Variants in MCM3 observed in about 807,000 individuals in gnomAD.
MCM3 encodes the protein DNA replication licensing factor MCM3.
MCM3 carries 59 observed loss-of-function variants against 91.3 expected under a neutral mutation model. The ratio of observed to expected loss-of-function variants is 0.65; its 90% CI spans 0.52 to 0.80. The LOEUF is 0.80. MCM3 is among the 30% of genes least tolerant of loss of function. MCM3 has a pLI of 0.00. For synonymous variants in MCM3, 383 were observed against 379.6 expected, an observed-to-expected ratio of 1.01 and a Z score of -0.10; for missense variants, 919 against 1,035.4, an observed-to-expected ratio of 0.89 and a Z score of 1.54.
At chr6:52,277,753 T>G in intron 6 of MCM3, 65 bp from the exon 7 acceptor site, 1 of 1,496,742 alleles carries the variant, frequency 6.7e-7, no homozygotes, top group East Asian at 2.3e-5. Context: ...AGCTCCACTT[T>G]ATATACTTTG....
intron 15 of MCM3, 39 bp downstream of exon 15, chr6:52,266,572 C>A: frequency 6.3e-7 from 1 of 1,576,118 alleles, no homozygotes. Flanking sequence ...CCAAGAGTCA[C>A]AGGAACAACC....
At chr6:52,265,046 T>C (rs1174477626) in intron 16 of MCM3, among the ~76,000 whole-genome samples, 1 of 152,166 alleles carries the variant, frequency 6.6e-6, no homozygotes, top group African/African-American at 2.4e-5. Context: ...TGCGGGACAA[T>C]TTAACAGCAC....
At chr6:52,281,781 CCAT>C (rs1766119649) in intron 4 of MCM3, among the ~76,000 whole-genome samples, 1 of 152,090 alleles carries the variant, frequency 6.6e-6, no homozygotes, top group African/African-American at 2.4e-5. Context: ...ATTTAGTGCA[CCAT>C]GACTGCACCT....
At chr6:52,283,566 T>C (rs1332908355) in intron 1 of MCM3, among the ~76,000 whole-genome samples, 160 bp from the exon 2 acceptor site, 2 of 152,252 alleles carry the variant, frequency 1.3e-5, no homozygotes, top group Non-Finnish European at 2.9e-5. Flanking sequence ...ATTCACTGTT[T>C]TTAGATTCGA....
chr6:52,283,838 G>A (rs1766384003), intron 1 of MCM3, among the ~76,000 whole-genome samples: 1 of 152,224 alleles, frequency 6.6e-6, no homozygotes, highest in African/African-American at 2.4e-5. Context: ...ATTTCACCAT[G>A]TATATCAAAA....
intron 3 of MCM3, 40 bp downstream of exon 3, chr6:52,282,613 G>C: frequency 1.3e-6 from 2 of 1,588,270 alleles, no homozygotes; most frequent in South Asian, 2.2e-5. Context: ...CCATCTCCCT[G>C]TCTATTCATT....
intron 16 of MCM3, 123 bp downstream of exon 16, chr6:52,265,952 G>GC: frequency 1.5e-6 from 1 of 676,626 alleles, no homozygotes; most frequent in Non-Finnish European, 2.5e-6. Context: ...AAAGCTGCAG[G>GC]CCTCTAGTTT....
Position 52,283,278 on chromosome 6 carries a change from T to A in MCM3, c.191+16A>T. ...GCCATTCTCACTGACAGCCAGTATATCCCCTTGCCTCTCACCGGTTAGCCC... is the reference window on the plus strand; with the variant it reads ...GCCATTCTCACTGACAGCCAGTATAACCCCTTGCCTCTCACCGGTTAGCCC... On this transcript the variant is annotated intron_variant, in intron 2 of 16. Transcript: ENST00000596288. The A allele has an allele frequency of 3.7e-6, 6 of 1,603,114 alleles. No homozygotes were observed. Among genetic ancestry groups the A allele is most frequent in the Non-Finnish European group, 5.1e-6 (6 of 1,170,096 alleles).
Position 52,276,429 on chromosome 6 carries a change from C to T in MCM3, c.1213G>A (p.Val405Met), listed in dbSNP as rs1314050475. The change falls in exon 9 of 17, where the codon GTG (valine) becomes ATG (methionine). Residue 405 changes from valine (V) to methionine (M), a missense_variant. Val to Met is a conservative substitution (Grantham distance 21). Around this residue, in one of 3 missense-constraint regions of MCM3, gnomAD observed 233 missense variants for 321.2 expected, o/e 0.73. Coordinates refer to ENST00000596288, the MANE Select transcript of MCM3 (RefSeq NM_002388.6). ...AGAMVLADRG[V>M]VCIDEFDKMS... Reference sequence around the variant, plus strand: ...TTGTCAAATTCATCAATGCAAACCACGCCTCGGTCAGCCAGGACCATGGCC... The same window carrying T: ...TTGTCAAATTCATCAATGCAAACCATGCCTCGGTCAGCCAGGACCATGGCC... 7.4e-6 allele frequency: 12 copies of T among 1,614,094 alleles called. No homozygotes were observed. The highest frequency in any genetic ancestry group is 4.0e-5 in the African/African-American group (3 of 74,930).
Position 52,264,567 on chromosome 6 carries a change from A to C in MCM3, c.*21T>G, listed in dbSNP as rs759933577. On this transcript the variant is annotated 3_prime_UTR_variant, in exon 17 of 17. Coordinates refer to ENST00000596288, the MANE Select transcript of MCM3 (RefSeq NM_002388.6). ...AGAACAAACTCTCTCGGCACAACCC[A>C]AGTTCAGAGACGAGGCCTCCTCAGA... The C allele has an allele frequency of 1.2e-5, 20 of 1,613,652 alleles. No individual in the cohort carries two copies. In the East Asian group the frequency reaches 4.5e-4, roughly 36 times the overall value.
chr6:52,279,495 C>A lies in MCM3; in HGVS notation c.636G>T (p.Gln212His). 1 of 1,614,156 alleles carries A rather than the reference C, an allele frequency of 6.2e-7. No homozygotes were observed. Among genetic ancestry groups the A allele is most frequent in the Non-Finnish European group, 8.5e-7 (1 of 1,180,038 alleles). Residue 212 changes from glutamine (Q) to histidine (H), a missense_variant, in exon 5 of 17, where the codon CAG becomes CAT. By Grantham distance (24) the Gln-to-His change is conservative. Around this residue, in one of 3 missense-constraint regions of MCM3, gnomAD observed 401 missense variants for 402.7 expected, o/e 1.00. Transcript: ENST00000596288. The stretch of plus-strand genomic sequence containing the variant: ...GAATGACGTCCACAGAGCGGGGGAG[C>A]TGGCCGGCTGGGGCCTTCTCCGGCA... ...QEMPEKAPAG[Q>H]LPRSVDVILD...
chr6:52,278,068 AC>A (rs1488314598), intron 6 of MCM3, among the ~76,000 whole-genome samples: 10 of 87,666 alleles, frequency 1.1e-4, no homozygotes, highest in Non-Finnish European at 2.3e-4. Context: ...ATTCCGTCTC[AC>A]CAAAAAAAAA....
In MCM3 at chr6:52,272,269, G is replaced by A. The variant is rs202186843; in HGVS notation, c.1827+32C>T. ...CTCCTGCCCAGCCATATACCTAAGG[G>A]ACCCCAAGCCTAGGCTCCCCCAGGC... On this transcript the variant is annotated intron_variant, in intron 12 of 16. Coordinates refer to ENST00000596288, the MANE Select transcript of MCM3 (RefSeq NM_002388.6). 90 of 1,606,218 alleles carry A rather than the reference G, an allele frequency of 5.6e-5. No individual in the cohort carries two copies. In the Middle Eastern group the frequency reaches 3.9e-3, roughly 70 times the overall value.
In MCM3 at chr6:52,283,648, C is replaced by T. The variant is rs17239825; in HGVS notation, c.79-242G>A. Among the ~76,000 whole-genome samples the T allele has an allele frequency of 5.9e-5, 9 of 152,304 alleles. 2 individuals are homozygous for T. In the East Asian group the frequency reaches 1.7e-3, roughly 29 times the overall value. ...AGGTCCATGCTGTTATTCCCATCAT[C>T]ATGGACAACTTTTCTGCATGCTGTA... On this transcript the variant is annotated intron_variant, in intron 1 of 16. Coordinates refer to ENST00000596288, the MANE Select transcript of MCM3 (RefSeq NM_002388.6).
intron 3 of MCM3, 60 bp downstream of exon 3, chr6:52,282,593 C>T: frequency 6.5e-7 from 1 of 1,540,044 alleles, no homozygotes; most frequent in Non-Finnish European, 9.0e-7. Context: ...CTTTGCCTCT[C>T]CTGCTTTCCC....
chr6:52,280,137 A>G (rs1031153391), intron 4 of MCM3, among the ~76,000 whole-genome samples: 19 of 152,246 alleles, frequency 1.2e-4, no homozygotes, highest in Non-Finnish European at 2.4e-4. Flanking sequence ...GTATTTAAAT[A>G]AAAAACAGCT....
Position 52,277,666 on chromosome 6 carries a change from T to G in MCM3, c.902A>C (p.Lys301Thr). The change falls in exon 7 of 17, where the codon AAG (lysine) becomes ACG (threonine). Residue 301 changes from lysine (K) to threonine (T), a missense_variant. Transcript: ENST00000596288. Reference sequence around the variant, plus strand: ...CCCATGGATACTTGGGGCCAATGACTTGGCCAGCTGGTCAAAGATATCCTA... The same window carrying G: ...CCCATGGATACTTGGGGCCAATGACGTGGCCAGCTGGTCAAAGATATCCTA... ...RSKDIFDQLA[K>T]SLAPSIHGHD... 6.2e-7 allele frequency: 1 copy of G among 1,614,034 alleles called. No homozygotes were observed. Among genetic ancestry groups the G allele is most frequent in the Non-Finnish European group, 8.5e-7 (1 of 1,179,988 alleles).
intron 15 of MCM3, among the ~76,000 whole-genome samples, 177 bp downstream of exon 15, chr6:52,266,434 G>A (rs1425085740): frequency 6.6e-6 from 1 of 152,158 alleles, no homozygotes; most frequent in African/African-American, 2.4e-5. Flanking sequence ...ATATAATATA[G>A]CAAAGCTTTT....
intron 4 of MCM3, among the ~76,000 whole-genome samples, chr6:52,280,217 C>A (rs190777650): frequency 8.1e-4 from 124 of 152,318 alleles, no homozygotes; most frequent in Admixed American, 1.8e-3. Flanking sequence ...TCAAGAGGGA[C>A]TTCTGTGTGC....
Sources: gnomAD v4.1 joint callset for allele counts (sites outside exome capture counted in the v4.1 genomes callset) on GRCh38, gnomAD v4.1.1 for gene constraint, gnomAD v4.1.1 regional missense constraint, MANE v1.5 for transcripts, NCBI Gene and HGNC (gene_info 2026-07-23, HGNC 2026-07-21) for gene names.